The following DTWD2 variants were observed in gnomAD, a reference collection of about 807,000 sequenced individuals.
DTWD2 encodes DTW motif tRNA-uridine aminocarboxypropyltransferase 2, also known as tRNA-uridine aminocarboxypropyltransferase 2.
In DTWD2, 39 loss-of-function variants were observed where a neutral mutation model predicts 31.8. The observed-to-expected ratio is 1.22, with a 90% CI of 0.95 to 1.60. DTWD2 has a LOEUF of 1.60. DTWD2 is among the 40% of genes most tolerant of loss of function. The pLI, the probability that DTWD2 is intolerant of heterozygous loss-of-function variation, is 0.00. For missense variants in DTWD2, 515 were observed against 381.5 expected (o/e 1.35, Z -2.92); for synonymous variants, 180 against 142.8 (o/e 1.26, Z -1.86).
intron 4 of DTWD2, among the ~76,000 whole-genome samples, chr5:118,869,514 G>T (rs1434734916): frequency 6.6e-6 from 1 of 152,078 alleles, no homozygotes; most frequent in African/African-American, 2.4e-5. Flanking sequence ...TAAGCTTCAA[G>T]GAACAGAGAA....
chr5:118,857,727 C>CT (rs1485004438), intron 4 of DTWD2, among the ~76,000 whole-genome samples: 1 of 152,164 alleles, frequency 6.6e-6, no homozygotes, highest in Non-Finnish European at 1.5e-5. Context: ...GAAACAGTAA[C>CT]TAGCAGATAC....
chr5:118,917,377 A>AC (rs2149573600), intron 4 of DTWD2, among the ~76,000 whole-genome samples: 1 of 152,378 alleles, frequency 6.6e-6, no homozygotes, highest in Admixed American at 6.5e-5. Context: ...AGGGAAAAAG[A>AC]AACAGCCAGG....
intron 5 of DTWD2, among the ~76,000 whole-genome samples, chr5:118,841,814 T>C (rs766529225): frequency 2.3e-4 from 35 of 151,986 alleles, no homozygotes; most frequent in Non-Finnish European, 3.8e-4. Flanking sequence ...GTTTTAAACA[T>C]ATTTTGGGTG....
At chr5:118,898,888 T>G (rs974422669) in intron 4 of DTWD2, among the ~76,000 whole-genome samples, 1 of 152,198 alleles carries the variant, frequency 6.6e-6, no homozygotes, top group East Asian at 1.9e-4. Flanking sequence ...AAATATTTAC[T>G]CAGGTACTAG....
chr5:118,916,860 C>T (rs1283744345), intron 4 of DTWD2, among the ~76,000 whole-genome samples: 5 of 152,010 alleles, frequency 3.3e-5, no homozygotes, highest in African/African-American at 9.7e-5. Flanking sequence ...ACTCTAGTGT[C>T]GAGAGTCTAA....
rs189299195 is a variant in DTWD2 at position 118,877,866 on chromosome 5, T to C, written c.598-29648A>G. Among the ~76,000 whole-genome samples, 239 of 152,196 alleles carry C rather than the reference T, an allele frequency of 1.6e-3. 1 individual carries two copies. The highest frequency in any genetic ancestry group is 6.8e-3 in the Middle Eastern group (2 of 294). ...AAAGTTTCAGGATACAAAATAAATA[T>C]GCAAAAATCACTAGCATTCCTATAC... is the stretch of plus-strand genomic sequence containing the variant. On this transcript the variant is annotated intron_variant, in intron 4 of 5. Transcript: ENST00000510708.
rs1392755177 is a variant in DTWD2, at chr5:118,848,108, T to A, written c.708A>T (p.Lys236Asn). The change falls in exon 5 of 6, where the codon AAA becomes AAT. Residue 236 changes from lysine to asparagine, a missense_variant. By Grantham distance (94) the Lys-to-Asn change is moderately conservative. Coordinates refer to ENST00000510708, the MANE Select transcript of DTWD2 (RefSeq NM_173666.4). ...CAAVALSILE[K>N]NNYIQETLLR... ...GACGTACCTCTTGTATGTAATTATT[T>A]TTCTCCAAGATGGAAAGAGCAACAG... 1 of 1,573,558 alleles carries A rather than the reference T, an allele frequency of 6.4e-7. No individual in the cohort carries two copies. The highest frequency in any genetic ancestry group is 8.6e-7 in the Non-Finnish European group (1 of 1,164,610).
rs191969477 is a variant in DTWD2, at chr5:118,973,505, C to T, written c.218+14789G>A. On this transcript the variant is annotated intron_variant, in intron 1 of 5. Transcript: ENST00000510708. The stretch of plus-strand genomic sequence containing the variant: ...TCTGTAAAGGATTTTATTGCTCCTT[C>T]ACTTATGAAGCTTAGTTTGGCTGGA... Among the ~76,000 whole-genome samples, 369 of 152,272 alleles carry T rather than the reference C, an allele frequency of 2.4e-3. 1 individual carries two copies. The highest frequency in any genetic ancestry group is 8.5e-3 in the African/African-American group (354 of 41,552).
intron 4 of DTWD2, among the ~76,000 whole-genome samples, chr5:118,854,102 C>A (rs936648039): frequency 6.6e-6 from 1 of 152,010 alleles, no homozygotes; most frequent in African/African-American, 2.4e-5. Context: ...TGAGGTAGCT[C>A]ACTTACAGCA....
At chr5:118,921,516 T>A (rs1018352334) in intron 4 of DTWD2, among the ~76,000 whole-genome samples, 4 of 136,256 alleles carry the variant, frequency 2.9e-5, no homozygotes, top group Non-Finnish European at 4.7e-5. Context: ...CAAGACCCCA[T>A]CTCTTAAAAA....
intron 4 of DTWD2, among the ~76,000 whole-genome samples, chr5:118,888,132 T>A (rs1377720214): frequency 1.3e-5 from 2 of 152,210 alleles, no homozygotes; most frequent in Admixed American, 6.5e-5. Flanking sequence ...ATTTCAAGTA[T>A]CCAATTTGAT....
chr5:118,848,162 A>G lies in DTWD2; in HGVS notation c.654T>C (p.Asn218=). The G allele has an allele frequency of 1.9e-6, 3 of 1,607,616 alleles. No homozygotes were observed. Among genetic ancestry groups the G allele is most frequent in the Non-Finnish European group, 2.5e-6 (3 of 1,177,188 alleles). Residue 218 remains asparagine (N), a synonymous_variant, in exon 5 of 6, where the codon AAT becomes AAC. Coordinates refer to ENST00000510708, the MANE Select transcript of DTWD2 (RefSeq NM_173666.4). ...CACACTCCAGTGTAGAAAGGCATCT[A>G]TTAGTCGGCTGCATCCGAATTACAT... ...SQYVIRMQPT[N]RCLSTLECAA... is the part of the protein sequence containing the mutation.
chr5:118,853,027 TA>T (rs1454154666), intron 4 of DTWD2, among the ~76,000 whole-genome samples: 3 of 152,052 alleles, frequency 2.0e-5, no homozygotes, highest in Non-Finnish European at 4.4e-5. Flanking sequence ...CACATGGGCA[TA>T]AAGACAGGAA....
At chr5:118,907,770 G>A (rs1753367468) in intron 4 of DTWD2, among the ~76,000 whole-genome samples, 1 of 151,644 alleles carries the variant, frequency 6.6e-6, no homozygotes, top group African/African-American at 2.4e-5. Flanking sequence ...GGAGTCAGTG[G>A]CACAGATGAA....
At position 118,856,595 on chromosome 5, in the gene DTWD2, T is replaced by C. The variant is rs138988122; in HGVS notation, c.598-8377A>G. On this transcript the variant is annotated intron_variant, in intron 4 of 5. Coordinates refer to ENST00000510708, the MANE Select transcript of DTWD2 (RefSeq NM_173666.4). ...TGCGTTCCAAAGTAGTTACATTATA[T>C]ACACCCATCAGTTCTGAATAAGAGT... 4.1e-3 allele frequency among the ~76,000 whole-genome samples: 630 copies of C among 152,274 alleles called. 9 individuals are homozygous for C. Among genetic ancestry groups the C allele is most frequent in the East Asian group, 0.014 (73 of 5,186 alleles).
intron 1 of DTWD2, among the ~76,000 whole-genome samples, chr5:118,947,336 T>C (rs1561466758): frequency 6.6e-6 from 1 of 151,900 alleles, no homozygotes; most frequent in Non-Finnish European, 1.5e-5. Context: ...AATTGAAGGG[T>C]GGTAAATATG....
chr5:118,925,431 T>C (rs970178065), intron 4 of DTWD2, among the ~76,000 whole-genome samples: 1 of 152,178 alleles, frequency 6.6e-6, no homozygotes, highest in Non-Finnish European at 1.5e-5. Context: ...TTATTCAAAA[T>C]AGCGTGGCTA....
rs1221234135 is a variant in DTWD2 at position 118,836,932 on chromosome 5, G to C, written c.*3985C>G. On this transcript the variant is annotated 3_prime_UTR_variant, in exon 6 of 6. Coordinates refer to ENST00000510708, the MANE Select transcript of DTWD2 (RefSeq NM_173666.4). ...TGAGAGAGCAGCCAGAATGGACTAAGACAGGAGTCAAGTGATCAGCACGGT... is the reference window on the plus strand; with the variant it reads ...TGAGAGAGCAGCCAGAATGGACTAACACAGGAGTCAAGTGATCAGCACGGT... 6.6e-6 allele frequency among the ~76,000 whole-genome samples: 1 copy of C among 152,208 alleles called. No homozygotes were observed. Among genetic ancestry groups the C allele is most frequent in the Non-Finnish European group, 1.5e-5 (1 of 68,036 alleles).
At position 118,839,690 on chromosome 5, in the gene DTWD2, T is replaced by C. The variant is rs1303572362; in HGVS notation, c.*1227A>G. 1 of 152,136 alleles carries C rather than the reference T, an allele frequency of 6.6e-6. No homozygotes were observed. The allele number at this position is 152,136 out of a possible 1,614,324, so 9.4% of individuals were successfully genotyped here. On this transcript the variant is annotated 3_prime_UTR_variant, in exon 6 of 6. Coordinates refer to ENST00000510708, the MANE Select transcript of DTWD2 (RefSeq NM_173666.4). ...ATTTGTTTTTAAATCCAAAAATAAA[T>C]CAACAATAGAAGCCAGCACTCTTTT...
Sources: allele counts gnomAD v4.1 joint callset (sites outside exome capture counted in the v4.1 genomes callset), GRCh38; gene constraint gnomAD v4.1.1; transcripts MANE v1.5; gene names NCBI Gene and HGNC (gene_info 2026-07-23, HGNC 2026-07-21).